The following MCPH1 variants were observed in gnomAD, a reference collection of about 807,000 sequenced individuals.
The protein encoded by MCPH1 is microcephalin 1.
MCPH1 carries 104 observed loss-of-function variants against 84.5 expected under a neutral mutation model. The ratio of observed to expected loss-of-function variants is 1.23; its 90% CI spans 1.05 to 1.45. The LOEUF (loss-of-function observed/expected upper bound fraction) is 1.45. Ranked by LOEUF, MCPH1 falls within the 40% of genes most tolerant of loss-of-function variation. MCPH1 has a pLI of 0.00. For synonymous variants in MCPH1, 514 were observed against 366.8 expected, an observed-to-expected ratio of 1.40 and a Z score of -4.58; for missense variants, 1,498 against 1,005.7, an observed-to-expected ratio of 1.49 and a Z score of -6.62.
At chr8:6,538,784 G>A (rs1820968909) in intron 12 of MCPH1, among the ~76,000 whole-genome samples, 1 of 152,216 alleles carries the variant, frequency 6.6e-6, no homozygotes, top group Admixed American at 6.5e-5. Context: ...AGAGTGAACA[G>A]AATCCTCAAA....
At chr8:6,505,300 T>G (rs1488435989) in intron 12 of MCPH1, among the ~76,000 whole-genome samples, 3 of 53,976 alleles carry the variant, frequency 5.6e-5, no homozygotes, top group African/African-American at 3.1e-4. Flanking sequence ...TATACATATA[T>G]ATGTATATAA....
At chr8:6,448,674 G>A (rs568248045) in intron 8 of MCPH1, among the ~76,000 whole-genome samples, 3 of 152,140 alleles carry the variant, frequency 2.0e-5, no homozygotes, top group Non-Finnish European at 4.4e-5. Flanking sequence ...TATTTTAAGA[G>A]AATTTTTTGC....
intron 3 of MCPH1, among the ~76,000 whole-genome samples, chr8:6,428,177 A>T (rs755593807): frequency 6.6e-6 from 1 of 152,106 alleles, no homozygotes; most frequent in African/African-American, 2.4e-5. Flanking sequence ...GTAATGCCTT[A>T]AAATACATTG....
intron 12 of MCPH1, among the ~76,000 whole-genome samples, chr8:6,529,751 A>C (rs1465921306): frequency 6.6e-6 from 1 of 151,376 alleles, no homozygotes; most frequent in Non-Finnish European, 1.5e-5. Context: ...AGATCTGAGC[A>C]AGCGTGCTCA....
Position 6,643,124 on chromosome 8 carries a change from A to G in MCPH1, c.*75A>G. The G allele has an allele frequency of 7.7e-7, 1 of 1,294,528 alleles. No homozygotes were observed. Among genetic ancestry groups the G allele is most frequent in the African/African-American group, 1.5e-5 (1 of 68,912 alleles). The allele number at this position is 1,294,528 out of a possible 1,614,324, so 80.2% of individuals were successfully genotyped here. ...TTTGGATGTTCAAATGAGAAACAAA[A>G]CTGTGAAGAGAAGGAACTGGCGTAT... is the stretch of plus-strand genomic sequence containing the variant. On this transcript the variant is annotated 3_prime_UTR_variant, in exon 14 of 14. Transcript: ENST00000344683.
rs548676117 is a variant in MCPH1, at chr8:6,428,934, T to C, written c.234-2565T>C. ...CATATTTCTAAATACTGTGGCCGTA[T>C]TGCTGTTTCGGTTTTTCAGTTTCAG... is the stretch of plus-strand genomic sequence containing the variant. On this transcript the variant is annotated intron_variant, in intron 3 of 13. Transcript: ENST00000344683. Among the ~76,000 whole-genome samples the C allele has an allele frequency of 4.6e-5, 7 of 152,366 alleles. No individual in the cohort carries two copies. In the South Asian group the frequency reaches 1.2e-3, roughly 27 times the overall value.
intron 9 of MCPH1, among the ~76,000 whole-genome samples, chr8:6,472,814 G>C (rs11137029): frequency 6.6e-6 from 1 of 151,988 alleles, no homozygotes; most frequent in Non-Finnish European, 1.5e-5. Flanking sequence ...TTTGATTTGC[G>C]GAAGGCAAAA....
chr8:6,582,905 G>T (rs777944902), intron 12 of MCPH1, among the ~76,000 whole-genome samples: 1 of 152,114 alleles, frequency 6.6e-6, no homozygotes, highest in Non-Finnish European at 1.5e-5. Context: ...ATCCTTTAAG[G>T]TCCTACTTTT....
Position 6,642,557 on chromosome 8 carries a change from C to T in MCPH1, c.2453-437C>T, listed in dbSNP as rs537825557. 1.5e-5 allele frequency: 4 copies of T among 266,494 alleles called. No homozygotes were observed. In the South Asian group the frequency reaches 1.9e-4, roughly 13 times the overall value. The allele number at this position is 266,494 out of a possible 1,614,324, so 16.5% of individuals were successfully genotyped here. A position where few individuals can be genotyped will look rare whatever the true frequency, so the allele number is the denominator to read the frequency against. On this transcript the variant is annotated intron_variant, in intron 13 of 13. Transcript: ENST00000344683. ...ATGCTGGGTAGATAGGATAGCACGG[C>T]CTACCTCTCACCACTGGTGTCATAA... is the stretch of plus-strand genomic sequence containing the variant.
chr8:6,508,791 T>A, intron 12 of MCPH1: 1 of 1,195,262 alleles, frequency 8.4e-7, no homozygotes, highest in Non-Finnish European at 1.2e-6. Context: ...AAAACACATT[T>A]ACCTATATCA....
At chr8:6,560,270 C>G (rs547728228) in intron 12 of MCPH1, among the ~76,000 whole-genome samples, 24 of 152,082 alleles carry the variant, frequency 1.6e-4, no homozygotes, top group Non-Finnish European at 1.2e-4. Context: ...CATGAAAAAC[C>G]CAGAATTGTG....
chr8:6,524,105 C>G (rs896537414), intron 12 of MCPH1, among the ~76,000 whole-genome samples: 9 of 152,172 alleles, frequency 5.9e-5, no homozygotes, highest in Admixed American at 5.2e-4. Context: ...TGTCAGATTC[C>G]TCTCTCTGAC....
intron 12 of MCPH1, among the ~76,000 whole-genome samples, chr8:6,589,792 A>G (rs1828294462): frequency 6.6e-6 from 1 of 152,216 alleles, no homozygotes; most frequent in Admixed American, 6.5e-5. Flanking sequence ...TTTCCAAACC[A>G]TTATATAGTC....
At chr8:6,499,331 A>G (rs1811707253) in intron 11 of MCPH1, among the ~76,000 whole-genome samples, 1 of 152,074 alleles carries the variant, frequency 6.6e-6, no homozygotes, top group African/African-American at 2.4e-5. Flanking sequence ...TTTATGGGAC[A>G]TTTTACTCTT....
At chr8:6,617,808 C>T (rs973681080) in intron 12 of MCPH1, among the ~76,000 whole-genome samples, 5 of 152,122 alleles carry the variant, frequency 3.3e-5, no homozygotes, top group Middle Eastern at 3.2e-3. Flanking sequence ...TCCCAAGTAG[C>T]GGAAACTATA....
At chr8:6,414,138 T>G (rs1214614830) in intron 2 of MCPH1, among the ~76,000 whole-genome samples, 12 of 152,220 alleles carry the variant, frequency 7.9e-5, no homozygotes, top group Admixed American at 7.8e-4. Context: ...TTTATGCATT[T>G]AAGATTACAG....
chr8:6,602,846 G>T (rs1253019964), intron 12 of MCPH1, among the ~76,000 whole-genome samples: 1 of 151,810 alleles, frequency 6.6e-6, no homozygotes, highest in Non-Finnish European at 1.5e-5. Context: ...TTTCATTTTG[G>T]CTATTTAAAG....
chr8:6,445,404 C>G lies in MCPH1; in HGVS notation c.1682C>G (p.Thr561Arg). The G allele has an allele frequency of 3.1e-6, 5 of 1,614,204 alleles. No homozygotes were observed. In the South Asian group the frequency reaches 5.5e-5, roughly 18 times the overall value. The change falls in exon 8 of 14, where the codon ACA (threonine) becomes AGA (arginine). Residue 561 changes from threonine to arginine, a missense_variant. Coordinates refer to ENST00000344683, the MANE Select transcript of MCPH1 (RefSeq NM_024596.5). ...EMKEAVGLKSTQNKGTTSKIS... is the reference protein window; with the variant it reads ...EMKEAVGLKSRQNKGTTSKIS... Reference sequence around the variant, plus strand: ...AAAGAAGCGGTTGGTCTGAAAAGCACACAGAACAAAGGTACCACTTCCAAA... The same window carrying G: ...AAAGAAGCGGTTGGTCTGAAAAGCAGACAGAACAAAGGTACCACTTCCAAA...
chr8:6,536,218 G>A (rs1347277055), intron 12 of MCPH1, among the ~76,000 whole-genome samples: 1 of 152,086 alleles, frequency 6.6e-6, no homozygotes, highest in Non-Finnish European at 1.5e-5. Flanking sequence ...CTAGCGACAG[G>A]AACAGCCACA....
Sources: allele counts gnomAD v4.1 joint callset (sites outside exome capture counted in the v4.1 genomes callset), GRCh38; gene constraint gnomAD v4.1.1; transcripts MANE v1.5; gene names NCBI Gene and HGNC (gene_info 2026-07-23, HGNC 2026-07-21).